Variants in SLAIN1 observed in about 807,000 individuals in gnomAD.
SLAIN1 encodes the protein SLAIN motif-containing protein 1.
A neutral mutation model predicts 55.4 loss-of-function variants in SLAIN1; 17 were observed. The ratio of observed to expected loss-of-function variants is 0.31; its 90% CI spans 0.21 to 0.46. The LOEUF is 0.46. Ranked by LOEUF, SLAIN1 falls within the 20% of genes least tolerant of loss-of-function variation. The probability of loss-of-function intolerance (pLI) is 1.00; values close to 1 mark genes in which losing one functional copy is unlikely to be tolerated. For missense variants in SLAIN1, 682 were observed against 785.1 expected (o/e 0.87, Z 1.57); for synonymous variants, 348 against 337.4 (o/e 1.03, Z -0.35).
At chr13:77,734,994 TG>T (rs1243336807) in intron 2 of SLAIN1, among the ~76,000 whole-genome samples, 1 of 152,020 alleles carries the variant, frequency 6.6e-6, no homozygotes, top group African/African-American at 2.4e-5. Flanking sequence ...CACTCCAGCC[TG>T]GGTGTCAGAG....
intron 2 of SLAIN1, among the ~76,000 whole-genome samples, chr13:77,739,474 G>T (rs962482256): frequency 4.6e-5 from 7 of 152,000 alleles, no homozygotes; most frequent in African/African-American, 1.4e-4. Context: ...TTATAGTGTT[G>T]CTTTATTTTT....
intron 2 of SLAIN1, among the ~76,000 whole-genome samples, chr13:77,722,568 C>T (rs778976645): frequency 1.8e-4 from 27 of 152,068 alleles, no homozygotes; most frequent in Non-Finnish European, 3.1e-4. Flanking sequence ...TCATTTTAAA[C>T]ATTATCCATT....
At chr13:77,741,180 T>C in intron 2 of SLAIN1, 1 of 985,430 alleles carries the variant, frequency 1.0e-6, no homozygotes, top group South Asian at 4.7e-5. Flanking sequence ...TGGCAAGTGA[T>C]CAGACTGGTA....
intron 2 of SLAIN1, among the ~76,000 whole-genome samples, chr13:77,723,044 A>T (rs1360178340): frequency 2.0e-5 from 3 of 152,176 alleles, no homozygotes; most frequent in African/African-American, 7.2e-5. Flanking sequence ...CACTGTGCCC[A>T]GCCCATCTAA....
chr13:77,750,641 G>A (rs761748844), intron 4 of SLAIN1, among the ~76,000 whole-genome samples: 6 of 152,144 alleles, frequency 3.9e-5, no homozygotes, highest in Admixed American at 3.9e-4. Flanking sequence ...AATACGAGAC[G>A]TATGATTGTT....
chr13:77,741,302 A>G (rs1458048786), intron 2 of SLAIN1: 1 of 987,474 alleles, frequency 1.0e-6, no homozygotes, highest in Non-Finnish European at 1.2e-6. Context: ...ACATGTGAGA[A>G]CAGCTACCTA....
At chr13:77,761,923 G>C (rs1474905283) in intron 6 of SLAIN1, among the ~76,000 whole-genome samples, 1 of 152,090 alleles carries the variant, frequency 6.6e-6, no homozygotes, top group Non-Finnish European at 1.5e-5. Context: ...CAAGAAATTA[G>C]GATATGAAGG....
At chr13:77,742,597 T>C (rs1236653599) in intron 2 of SLAIN1, among the ~76,000 whole-genome samples, 1 of 148,580 alleles carries the variant, frequency 6.7e-6, no homozygotes, top group African/African-American at 2.6e-5. Context: ...ATATAGTTAA[T>C]ATTAAGAACA....
chr13:77,753,123 CTTTTGTT>C, intron 4 of SLAIN1, 73 bp from the exon 5 acceptor site: 1 of 1,281,526 alleles, frequency 7.8e-7, no homozygotes, highest in Non-Finnish European at 1.1e-6. Flanking sequence ...CACAATATGA[CTTTTGTT>C]ATTTGCTTTT....
At chr13:77,725,237 C>T (rs988018102) in intron 2 of SLAIN1, among the ~76,000 whole-genome samples, 3 of 152,194 alleles carry the variant, frequency 2.0e-5, no homozygotes, top group African/African-American at 7.2e-5. Context: ...TTCCCATTCA[C>T]AAGCATGTTT....
At chr13:77,745,365 T>C (rs1247272507) in intron 3 of SLAIN1, among the ~76,000 whole-genome samples, 3 of 151,998 alleles carry the variant, frequency 2.0e-5, no homozygotes, top group Admixed American at 6.6e-5. Flanking sequence ...CTGGGCAAAG[T>C]GTACAGTTTT....
At chr13:77,718,504 T>C (rs1191535651) in intron 1 of SLAIN1, among the ~76,000 whole-genome samples, 1 of 152,162 alleles carries the variant, frequency 6.6e-6, no homozygotes, top group South Asian at 2.1e-4. Context: ...TACTGAAGAA[T>C]AGTACATTCC....
At chr13:77,710,826 A>G (rs1417852614) in intron 1 of SLAIN1, among the ~76,000 whole-genome samples, 1 of 152,212 alleles carries the variant, frequency 6.6e-6, no homozygotes, top group Non-Finnish European at 1.5e-5. Context: ...AAAATTGACC[A>G]CATAATTGGA....
intron 1 of SLAIN1, among the ~76,000 whole-genome samples, chr13:77,714,109 G>A (rs959961312): frequency 2.0e-5 from 3 of 152,054 alleles, no homozygotes; most frequent in Non-Finnish European, 4.4e-5. Flanking sequence ...ACTATGGCAC[G>A]TGTATACCTG....
At chr13:77,741,340 TTGTAG>T in intron 2 of SLAIN1, 1 of 987,448 alleles carries the variant, frequency 1.0e-6, no homozygotes, top group Non-Finnish European at 1.2e-6. Context: ...AACCCCTAGT[TTGTAG>T]TGTATTCTGG....
chr13:77,744,139 G>T, intron 2 of SLAIN1, 144 bp from the exon 3 acceptor site: 1 of 693,386 alleles, frequency 1.4e-6, no homozygotes, highest in Non-Finnish European at 2.7e-6. Context: ...TGATGTGCAC[G>T]TTGACCATTA....
chr13:77,745,622 G>A (rs1594286567), intron 3 of SLAIN1, among the ~76,000 whole-genome samples: 1 of 152,200 alleles, frequency 6.6e-6, no homozygotes, highest in Non-Finnish European at 1.5e-5. Context: ...ACCAACATAA[G>A]TAGAAATAAT....
intron 2 of SLAIN1, among the ~76,000 whole-genome samples, chr13:77,735,002 AGAGT>A (rs1359528638): frequency 6.6e-6 from 1 of 152,168 alleles, no homozygotes; most frequent in African/African-American, 2.4e-5. Context: ...CCTGGGTGTC[AGAGT>A]GAGACTCAGT....
chr13:77,750,298 A>G (rs1001366783), intron 4 of SLAIN1, among the ~76,000 whole-genome samples: 2 of 152,182 alleles, frequency 1.3e-5, no homozygotes, highest in African/African-American at 4.8e-5. Context: ...ATTATAGTAA[A>G]TAGTTGGAGA....
Sources: allele counts gnomAD v4.1 joint callset (sites outside exome capture counted in the v4.1 genomes callset), GRCh38; gene constraint gnomAD v4.1.1; transcripts MANE v1.5; gene names NCBI Gene and HGNC (gene_info 2026-07-23, HGNC 2026-07-21).